NCALD: variants seen among roughly 807,000 people sequenced by gnomAD.
NCALD encodes the protein neurocalcin delta.
A neutral mutation model predicts 18.6 loss-of-function variants in NCALD; 10 were observed. The observed-to-expected ratio is 0.54, with a 90% CI of 0.33 to 0.91. The LOEUF (loss-of-function observed/expected upper bound fraction) is 0.91, where lower values mean the gene tolerates loss of function less well. Ranked by LOEUF, NCALD falls within the 40% of genes least tolerant of loss-of-function variation. NCALD has a pLI of 0.03. For synonymous variants in NCALD, 88 were observed against 87.4 expected, an observed-to-expected ratio of 1.01 and a Z score of -0.04; for missense variants, 184 against 247.6, an observed-to-expected ratio of 0.74 and a Z score of 1.72.
intron 4 of NCALD, among the ~76,000 whole-genome samples, chr8:101,874,234 G>A (rs1816135719): frequency 6.6e-6 from 1 of 152,162 alleles, no homozygotes; most frequent in Non-Finnish European, 1.5e-5. Context: ...CAGCCCAAAG[G>A]TGGAGCTGAT....
chr8:102,063,537 T>C (rs969205257), intron 1 of NCALD, among the ~76,000 whole-genome samples: 3 of 152,220 alleles, frequency 2.0e-5, no homozygotes, highest in Non-Finnish European at 4.4e-5. Flanking sequence ...TTTAAGATCA[T>C]TATTTAAATG....
At chr8:101,914,451 T>C (rs1280400766) in intron 3 of NCALD, among the ~76,000 whole-genome samples, 1 of 152,212 alleles carries the variant, frequency 6.6e-6, no homozygotes, top group East Asian at 1.9e-4. Flanking sequence ...CATTGTGAAG[T>C]TACTTTTTCC....
At chr8:101,831,746 G>A (rs1049849550) in intron 4 of NCALD, among the ~76,000 whole-genome samples, 3 of 151,996 alleles carry the variant, frequency 2.0e-5, no homozygotes, top group African/African-American at 7.2e-5. Context: ...CAGCAGCCTA[G>A]ATCAGAACCA....
intron 1 of NCALD, among the ~76,000 whole-genome samples, chr8:102,040,479 A>AAAAAG (rs113596482): frequency 0.12 from 18,709 of 150,546 alleles, 1,491 homozygotes; most frequent in African/African-American, 0.21. Context: ...ATCAAAAAAA[A>AAAAAG]AAAAGAAAAG....
chr8:101,744,632 A>G (rs1414101893), intron 1 of NCALD, among the ~76,000 whole-genome samples: 1 of 152,170 alleles, frequency 6.6e-6, no homozygotes, highest in Non-Finnish European at 1.5e-5. Context: ...CATTGTCAAG[A>G]TCAAGCTTAG....
At chr8:101,750,726 T>G (rs865869837) in intron 1 of NCALD, 1 of 152,252 alleles carries the variant, frequency 6.6e-6, no homozygotes, top group South Asian at 2.1e-4. Context: ...TGGAGCTTTC[T>G]GTCAGACTCT....
At chr8:102,085,747 G>A (rs758816671) in intron 1 of NCALD, among the ~76,000 whole-genome samples, 2 of 142,704 alleles carry the variant, frequency 1.4e-5, no homozygotes, top group African/African-American at 2.8e-5. Flanking sequence ...GCAAGACTCT[G>A]TCTTTAAAAA....
chr8:101,733,580 T>A (rs1816939553), intron 1 of NCALD, among the ~76,000 whole-genome samples: 1 of 152,198 alleles, frequency 6.6e-6, no homozygotes, highest in Admixed American at 6.5e-5. Flanking sequence ...CATGGACTAT[T>A]CATCTGAATG....
At chr8:102,044,239 T>C (rs918431156) in intron 1 of NCALD, among the ~76,000 whole-genome samples, 1 of 152,002 alleles carries the variant, frequency 6.6e-6, no homozygotes, top group East Asian at 1.9e-4. Context: ...TTTGGAAAGA[T>C]AATTGGAGAT....
intron 4 of NCALD, chr8:101,871,933 G>A (rs962603374): frequency 1.1e-5 from 8 of 723,262 alleles, no homozygotes; most frequent in South Asian, 4.5e-5. Flanking sequence ...CTCCAAGTCC[G>A]TCTTAACTGC....
chr8:101,734,675 T>C (rs909424864), intron 1 of NCALD, among the ~76,000 whole-genome samples: 81 of 152,224 alleles, frequency 5.3e-4, no homozygotes, highest in African/African-American at 1.9e-3. Context: ...AAGGGATATA[T>C]TCCCTAAATG....
intron 1 of NCALD, among the ~76,000 whole-genome samples, chr8:101,744,393 C>A (rs1211614791): frequency 1.3e-5 from 2 of 152,226 alleles, no homozygotes; most frequent in Non-Finnish European, 2.9e-5. Context: ...AGAACCAAAT[C>A]CTTACATGTG....
rs1280220009 is a variant in NCALD, at chr8:101,838,456, G to A, written c.-20+48685C>T. 5.3e-5 allele frequency among the ~76,000 whole-genome samples: 8 copies of A among 152,232 alleles called. No homozygotes were observed. The East Asian group carries it at 5.8e-4, about 11-fold the overall frequency. On this transcript the variant is annotated intron_variant, in intron 4 of 6. Coordinates refer to the NCALD transcript ENST00000311028. ...AGGATGGTCTCTATCTCTCGACCTC[G>A]TGATCTGCCTGCCTTGGCCTCCCAA...
intron 2 of NCALD, among the ~76,000 whole-genome samples, chr8:101,946,638 T>C (rs1340864411): frequency 6.6e-6 from 1 of 151,870 alleles, no homozygotes; most frequent in Admixed American, 6.6e-5. Context: ...AACATCAAAT[T>C]TATGATGAAT....
intron 4 of NCALD, among the ~76,000 whole-genome samples, chr8:101,855,404 T>C (rs1815272527): frequency 6.6e-6 from 1 of 152,166 alleles, no homozygotes; most frequent in Admixed American, 6.5e-5. Context: ...CAGCCTAGAA[T>C]GTTGAGTGCA....
chr8:101,874,164 C>T (rs1456725739), intron 4 of NCALD, among the ~76,000 whole-genome samples: 2 of 152,136 alleles, frequency 1.3e-5, no homozygotes, highest in African/African-American at 2.4e-5. Flanking sequence ...AGAGAGGTAA[C>T]TTGGGGTGGG....
intron 1 of NCALD, among the ~76,000 whole-genome samples, chr8:102,106,185 T>C (rs1383869543): frequency 1.3e-5 from 2 of 151,782 alleles, no homozygotes; most frequent in Non-Finnish European, 2.9e-5. Context: ...TTCTCCTGCC[T>C]CCGCCTCCCA....
At chr8:101,985,208 CG>C (rs1382484662) in intron 2 of NCALD, among the ~76,000 whole-genome samples, 1 of 152,150 alleles carries the variant, frequency 6.6e-6, no homozygotes, top group Non-Finnish European at 1.5e-5. Flanking sequence ...CCCCTCACCC[CG>C]GGTCTTCTGA....
intron 2 of NCALD, among the ~76,000 whole-genome samples, chr8:101,718,206 T>G (rs771021998): frequency 6.6e-6 from 1 of 152,162 alleles, no homozygotes; most frequent in Non-Finnish European, 1.5e-5. Context: ...GTGAAGAAAA[T>G]GCCTCTGGGA....
Sources: allele counts gnomAD v4.1 joint callset (sites outside exome capture counted in the v4.1 genomes callset), GRCh38; gene constraint gnomAD v4.1.1; transcripts MANE v1.5; gene names NCBI Gene and HGNC (gene_info 2026-07-23, HGNC 2026-07-21).